Variants in COL19A1 observed in about 807,000 individuals in gnomAD.
COL19A1 encodes the protein collagen alpha-1(XIX) chain.
In COL19A1, 159 loss-of-function variants were observed where a neutral mutation model predicts 190.2. The observed-to-expected ratio is 0.84, with a 90% confidence interval of 0.73 to 0.95. COL19A1 has a LOEUF of 0.95. Ranked by LOEUF, COL19A1 falls within the 40% of genes least tolerant of loss-of-function variation. The probability of loss-of-function intolerance (pLI) is 0.00; values close to 1 mark genes in which losing one functional copy is unlikely to be tolerated. For missense variants in COL19A1, 1,418 were observed against 1,431.9 expected (o/e 0.99, Z 0.16); for synonymous variants, 509 against 458.9 (o/e 1.11, Z -1.39).
chr6:70,024,349 A>T (rs1294424791), intron 12 of COL19A1, among the ~76,000 whole-genome samples: 1 of 152,144 alleles, frequency 6.6e-6, no homozygotes, highest in Admixed American at 6.5e-5. Context: ...CTGGTAGGGG[A>T]AGTGTCCAAA....
chr6:70,135,023 C>G (rs1320100058), intron 18 of COL19A1, among the ~76,000 whole-genome samples: 1 of 152,106 alleles, frequency 6.6e-6, no homozygotes, highest in Non-Finnish European at 1.5e-5. Context: ...TCCTTATGAC[C>G]CCGTCCGCGG....
chr6:70,087,288 A>C (rs1330996426), intron 15 of COL19A1, among the ~76,000 whole-genome samples: 1 of 152,176 alleles, frequency 6.6e-6, no homozygotes, highest in East Asian at 1.9e-4. Flanking sequence ...AAGATTAAGA[A>C]AGCAGAGGAA....
chr6:70,196,934 A>C (rs1279955067), intron 48 of COL19A1, among the ~76,000 whole-genome samples: 1 of 152,156 alleles, frequency 6.6e-6, no homozygotes, highest in Non-Finnish European at 1.5e-5. Flanking sequence ...ATGCTAAATG[A>C]CTGTTTCTGA....
intron 30 of COL19A1, among the ~76,000 whole-genome samples, chr6:70,150,323 G>T (rs563167655): frequency 6.6e-6 from 1 of 152,230 alleles, no homozygotes; most frequent in East Asian, 1.9e-4. Context: ...ATTGAAAATT[G>T]AGATAAAATA....
At chr6:70,034,913 A>G (rs1315940571) in intron 13 of COL19A1, among the ~76,000 whole-genome samples, 2 of 152,190 alleles carry the variant, frequency 1.3e-5, no homozygotes, top group Non-Finnish European at 2.9e-5. Context: ...TTCAATATTT[A>G]TCTCTGTGTT....
Position 70,196,065 on chromosome 6 carries a change from A to G in COL19A1, c.3095-3543A>G, listed in dbSNP as rs543063697. Among the ~76,000 whole-genome samples, 7 of 152,382 alleles carry G rather than the reference A, an allele frequency of 4.6e-5. No individual in the cohort carries two copies. In the South Asian group the frequency reaches 1.4e-3, roughly 32 times the overall value. ...TGATTGAGACAGAGACAAGTGAAGT[A>G]GTAACCACCTTTGGGTCATAATGAA... On this transcript the variant is annotated intron_variant, in intron 48 of 50. Coordinates refer to ENST00000620364, the MANE Select transcript of COL19A1 (RefSeq NM_001858.6).
At chr6:70,177,983 T>C (rs1385766359) in intron 42 of COL19A1, among the ~76,000 whole-genome samples, 1 of 152,230 alleles carries the variant, frequency 6.6e-6, no homozygotes, top group Non-Finnish European at 1.5e-5. Flanking sequence ...ATTCCAAATA[T>C]GTTTTTCAAA....
intron 47 of COL19A1, among the ~76,000 whole-genome samples, chr6:70,190,004 A>G (rs1306022037): frequency 1.8e-4 from 27 of 152,244 alleles, no homozygotes; most frequent in Admixed American, 1.8e-3. Context: ...TTAACCTTAT[A>G]AAATGAAGTC....
At position 70,176,037 on chromosome 6, in the gene COL19A1, G is replaced by A. The variant is rs1765783038; in HGVS notation, c.2623-483G>A. Among the ~76,000 whole-genome samples the A allele has an allele frequency of 2.6e-5, 4 of 152,042 alleles. No homozygotes were observed. In the South Asian group the frequency reaches 8.3e-4, roughly 31 times the overall value. On this transcript the variant is annotated intron_variant, in intron 41 of 50. Transcript: ENST00000620364. ...ACTCTGTTGTTCAGAGCAATTCAAG[G>A]GATCTTCTAATTGGCCAAATGAGAA...
chr6:70,093,842 A>G (rs143158138), intron 15 of COL19A1, among the ~76,000 whole-genome samples: 39 of 152,308 alleles, frequency 2.6e-4, no homozygotes, highest in African/African-American at 7.5e-4. Context: ...GAAAAGCCAC[A>G]TTAGTTACAG....
chr6:70,099,056 TAAAA>T (rs5877239), intron 15 of COL19A1, among the ~76,000 whole-genome samples: 17 of 75,872 alleles, frequency 2.2e-4, no homozygotes, highest in Admixed American at 3.2e-4. Flanking sequence ...ACCCTGTCTC[TAAAA>T]AAAAAAAAAA....
At chr6:70,122,902 A>G (rs1784964273) in intron 17 of COL19A1, among the ~76,000 whole-genome samples, 1 of 152,212 alleles carries the variant, frequency 6.6e-6, no homozygotes, top group South Asian at 2.1e-4. Context: ...AAAATCAAAT[A>G]TGGAAAGTTT....
At chr6:69,930,777 C>T (rs193082466) in intron 6 of COL19A1, among the ~76,000 whole-genome samples, 11 of 152,152 alleles carry the variant, frequency 7.2e-5, no homozygotes, top group South Asian at 2.1e-4. Context: ...CCAGCTTGAG[C>T]GACAGAGCAA....
intron 1 of COL19A1, among the ~76,000 whole-genome samples, chr6:69,877,894 A>G (rs970119519): frequency 1.3e-5 from 2 of 151,996 alleles, no homozygotes; most frequent in Admixed American, 6.6e-5. Flanking sequence ...AATCCCAGCT[A>G]CTCGAGAGAC....
At chr6:69,917,656 T>A (rs1187321989) in intron 4 of COL19A1, among the ~76,000 whole-genome samples, 1 of 152,078 alleles carries the variant, frequency 6.6e-6, no homozygotes, top group Non-Finnish European at 1.5e-5. Flanking sequence ...GTGAGGACAA[T>A]CTTAGACCGT....
At position 69,908,455 on chromosome 6, in the gene COL19A1, T is replaced by G. The variant is rs531032234; in HGVS notation, c.266+8117T>G. 1.7e-3 allele frequency among the ~76,000 whole-genome samples: 259 copies of G among 152,344 alleles called. 2 individuals are homozygous for G. The highest frequency in any genetic ancestry group is 3.2e-3 in the Non-Finnish European group (217 of 68,022). On this transcript the variant is annotated intron_variant, in intron 4 of 50. Transcript: ENST00000620364. ...TTATGTCATCACTGTATTTCCTTCA[T>G]TGCAGTTTGGCATACCAAGAATCTG...
chr6:69,978,085 G>A (rs960274418), intron 11 of COL19A1, among the ~76,000 whole-genome samples: 5 of 151,978 alleles, frequency 3.3e-5, no homozygotes, highest in African/African-American at 1.2e-4. Context: ...CAGTATGTGA[G>A]TCAACAGCAG....
intron 37 of COL19A1, among the ~76,000 whole-genome samples, chr6:70,166,599 T>A (rs762454099): frequency 6.6e-6 from 1 of 152,210 alleles, no homozygotes; most frequent in Non-Finnish European, 1.5e-5. Flanking sequence ...AGCTGAGATA[T>A]CACGCAAAAC....
chr6:70,144,461 T>G (rs1786478962), intron 24 of COL19A1, among the ~76,000 whole-genome samples, 198 bp downstream of exon 24: 1 of 152,122 alleles, frequency 6.6e-6, no homozygotes, highest in South Asian at 2.1e-4. Flanking sequence ...TGTGACAAAA[T>G]GAACTGACAG....
Sources: allele counts gnomAD v4.1 joint callset (sites outside exome capture counted in the v4.1 genomes callset), GRCh38; gene constraint gnomAD v4.1.1; transcripts MANE v1.5; gene names NCBI Gene and HGNC (gene_info 2026-07-23, HGNC 2026-07-21).